PIK3C3: variants seen among roughly 807,000 people sequenced by gnomAD.
PIK3C3 encodes PI3-kinase type 3.
Under a neutral mutation model 126.1 loss-of-function variants are expected in PIK3C3, and 95 were observed. The ratio of observed to expected loss-of-function variants is 0.75; its 90% CI spans 0.64 to 0.89. The LOEUF is 0.89. Among genes scored for constraint, PIK3C3 ranks in the 40% least tolerant of loss-of-function variants. PIK3C3 has a pLI of 0.00. For synonymous variants in PIK3C3, 374 were observed against 360.0 expected (o/e 1.04, Z -0.44); for missense variants, 829 against 1,063.2 (o/e 0.78, Z 3.06).
At chr18:42,005,589 T>C (rs1982503233) in intron 10 of PIK3C3, among the ~76,000 whole-genome samples, 1 of 152,232 alleles carries the variant, frequency 6.6e-6, no homozygotes, top group Non-Finnish European at 1.5e-5. Flanking sequence ...TAATAGTTTA[T>C]GCTAGCCAGC....
chr18:42,006,527 C>G (rs1186692883), intron 10 of PIK3C3, among the ~76,000 whole-genome samples: 2 of 152,144 alleles, frequency 1.3e-5, no homozygotes, highest in Non-Finnish European at 2.9e-5. Context: ...TTCTCTCAGC[C>G]AACCCCCATC....
chr18:41,959,864 A>G (rs1979990603), intron 2 of PIK3C3, among the ~76,000 whole-genome samples: 2 of 152,188 alleles, frequency 1.3e-5, no homozygotes, highest in Admixed American at 1.3e-4. Flanking sequence ...GCTCTTTAGT[A>G]TTCGAAAGTT....
intron 9 of PIK3C3, among the ~76,000 whole-genome samples, chr18:41,998,646 C>T (rs562158757): frequency 4.6e-5 from 7 of 152,174 alleles, no homozygotes; most frequent in African/African-American, 1.4e-4. Flanking sequence ...TTCAAGTTTT[C>T]GAAAGGTGAG....
Position 42,058,057 on chromosome 18 carries a change from T to C in PIK3C3, c.2432+6T>C, listed in dbSNP as rs1182488656. 6.4e-7 allele frequency: 1 copy of C among 1,571,326 alleles called. No homozygotes were observed. The highest frequency in any genetic ancestry group is 8.6e-7 in the Non-Finnish European group (1 of 1,162,116). On this transcript the variant is annotated splice_donor_region_variant and intron_variant, in intron 22 of 24. Coordinates refer to ENST00000262039, the MANE Select transcript of PIK3C3 (RefSeq NM_002647.4). ...GCTTTCCTCCACCTGCGAAGGTAAG[T>C]TGATTTGCTTGGCACAGAGAATTTG...
intron 10 of PIK3C3, among the ~76,000 whole-genome samples, chr18:42,010,091 G>T (rs991256408): frequency 2.0e-5 from 3 of 152,146 alleles, no homozygotes; most frequent in African/African-American, 7.2e-5. Context: ...ATTGAAGTCA[G>T]TCCTCCCTCT....
intron 2 of PIK3C3, among the ~76,000 whole-genome samples, chr18:41,959,180 A>G (rs1361441436): frequency 6.6e-6 from 1 of 152,232 alleles, no homozygotes; most frequent in Non-Finnish European, 1.5e-5. Context: ...AAACAAATTT[A>G]GGTCTAGAAG....
chr18:41,995,932 T>G lies in PIK3C3; in HGVS notation c.829T>G (p.Leu277Val), dbSNP rs932078646. The G allele has an allele frequency of 5.6e-6, 9 of 1,613,276 alleles. No individual in the cohort carries two copies. Among genetic ancestry groups the G allele is most frequent in the South Asian group, 3.3e-5 (3 of 91,050 alleles). ...CAAACACCACAAGCTTGCCCGGAGT[T>G]TAAGAAGTGGACCTTCTGACCACGA... ...ESKHHKLARS[L>V]RSGPSDHDLK... Residue 277 changes from leucine to valine, a missense_variant, in exon 8 of 25, where the codon TTA becomes GTA. Physicochemically the swap from Leu to Val is conservative, Grantham distance 32. This residue lies in a region of PIK3C3 where 313 missense variants were observed against 340.7 expected (regional missense o/e 0.92). Coordinates refer to ENST00000262039, the MANE Select transcript of PIK3C3 (RefSeq NM_002647.4).
chr18:42,045,434 C>T, intron 20 of PIK3C3, among the ~76,000 whole-genome samples: 2 of 152,292 alleles, frequency 1.3e-5, no homozygotes, highest in Middle Eastern at 6.8e-3. Context: ...AAAGGCTCAA[C>T]TAGGCTGAAC....
intron 20 of PIK3C3, among the ~76,000 whole-genome samples, chr18:42,048,707 T>A (rs904276591): frequency 1.3e-5 from 2 of 152,214 alleles, no homozygotes; most frequent in Admixed American, 6.5e-5. Flanking sequence ...AAATGAACTT[T>A]ATTATTTATT....
In PIK3C3 at chr18:42,040,687, G is replaced by T; in HGVS notation, c.2049G>T (p.Gln683His). The T allele has an allele frequency of 6.2e-7, 1 of 1,610,160 alleles. No homozygotes were observed. Among genetic ancestry groups the T allele is most frequent in the Non-Finnish European group, 8.5e-7 (1 of 1,176,808 alleles). Reference sequence around the variant, plus strand: ...TACATTTCTGTGTAGGCTTCATGCAGTTTATCCAGTCAGTTCCTGTGGCTG... The same window carrying T: ...TACATTTCTGTGTAGGCTTCATGCATTTTATCCAGTCAGTTCCTGTGGCTG... ...LATSTKHGFM[Q>H]FIQSVPVAEV... Residue 683 changes from glutamine to histidine, a missense_variant, in exon 19 of 25, where the codon CAG (glutamine) becomes CAT (histidine). Physicochemically the swap from Gln to His is conservative, Grantham distance 24. This residue lies in a region of PIK3C3 where 196 missense variants were observed against 312.8 expected (regional missense o/e 0.63). Transcript: ENST00000262039.
chr18:41,956,548 CTT>C (rs57601171), intron 1 of PIK3C3, among the ~76,000 whole-genome samples: 2,765 of 100,102 alleles, frequency 0.028, 49 homozygotes, highest in African/African-American at 0.11. Flanking sequence ...AAACCGGTCC[CTT>C]TTTTTTTTTT....
chr18:42,068,689 G>A (rs945503721), intron 24 of PIK3C3, among the ~76,000 whole-genome samples: 1 of 151,868 alleles, frequency 6.6e-6, no homozygotes, highest in Non-Finnish European at 1.5e-5. Flanking sequence ...GGTGGCTCAC[G>A]CCTGTAATCC....
chr18:42,027,608 C>T, intron 14 of PIK3C3, 60 bp downstream of exon 14: 1 of 906,104 alleles, frequency 1.1e-6, no homozygotes, highest in Non-Finnish European at 1.8e-6. Flanking sequence ...CAGCCTGTTG[C>T]CTGTTTAGGA....
At chr18:42,028,227 TAAAAA>T (rs60996133) in intron 14 of PIK3C3, among the ~76,000 whole-genome samples, 3 of 151,990 alleles carry the variant, frequency 2.0e-5, no homozygotes, top group Non-Finnish European at 4.4e-5. Context: ...TGCATGGAAT[TAAAAA>T]AAAGCTTTGC....
At chr18:42,009,079 T>C (rs1187450151) in intron 10 of PIK3C3, among the ~76,000 whole-genome samples, 2 of 152,166 alleles carry the variant, frequency 1.3e-5, no homozygotes, top group African/African-American at 2.4e-5. Context: ...ATTAAACATA[T>C]TGTTTAATTT....
intron 16 of PIK3C3, among the ~76,000 whole-genome samples, chr18:42,035,815 A>C (rs1053332738): frequency 6.6e-6 from 1 of 152,154 alleles, no homozygotes; most frequent in Non-Finnish European, 1.5e-5. Flanking sequence ...TGAGCTCCTT[A>C]GAGCTGAAAA....
chr18:42,054,728 G>A (rs886868164), intron 21 of PIK3C3, among the ~76,000 whole-genome samples: 1 of 152,070 alleles, frequency 6.6e-6, no homozygotes, highest in Non-Finnish European at 1.5e-5. Context: ...GGGTGACTTT[G>A]GGTAAGTTAC....
intron 3 of PIK3C3, among the ~76,000 whole-genome samples, chr18:41,964,616 A>C (rs958087855): frequency 6.6e-6 from 1 of 152,150 alleles, no homozygotes; most frequent in Non-Finnish European, 1.5e-5. Flanking sequence ...AGTATTATAA[A>C]ATGTTTAAGT....
At chr18:42,036,191 A>T (rs890943980) in intron 16 of PIK3C3, among the ~76,000 whole-genome samples, 2 of 152,198 alleles carry the variant, frequency 1.3e-5, no homozygotes, top group African/African-American at 4.8e-5. Flanking sequence ...AGTTTTAAAC[A>T]TACATTCTCT....
Sources: allele counts gnomAD v4.1 joint callset (sites outside exome capture counted in the v4.1 genomes callset), GRCh38; gene constraint gnomAD v4.1.1; regional missense constraint gnomAD v4.1.1; transcripts MANE v1.5; gene names NCBI Gene and HGNC (gene_info 2026-07-23, HGNC 2026-07-21).